CFAP299: variants seen among roughly 807,000 people sequenced by gnomAD.
The protein encoded by CFAP299 is cilia and flagella associated protein 299, also known as cilia- and flagella-associated protein 299.
CFAP299 carries 21 observed loss-of-function variants against 27.0 expected under a neutral mutation model. The ratio of observed to expected loss-of-function variants is 0.78; its 90% CI spans 0.55 to 1.12. The LOEUF (loss-of-function observed/expected upper bound fraction) is 1.12, where lower values mean the gene tolerates loss of function less well. Ranked by LOEUF, CFAP299 falls within the 50% of genes most tolerant of loss-of-function variation. The probability of loss-of-function intolerance (pLI) is 0.00; values close to 1 mark genes in which losing one functional copy is unlikely to be tolerated. For missense variants in CFAP299, 310 were observed against 276.6 expected, an observed-to-expected ratio of 1.12 and a Z score of -0.86; for synonymous variants, 104 against 98.1, an observed-to-expected ratio of 1.06 and a Z score of -0.36.
chr4:80,481,670 G>C (rs1730579182), intron 2 of CFAP299, among the ~76,000 whole-genome samples: 1 of 151,972 alleles, frequency 6.6e-6, no homozygotes, highest in Non-Finnish European at 1.5e-5. Context: ...GTGACCCTGA[G>C]GGCTAAAATT....
intron 2 of CFAP299, among the ~76,000 whole-genome samples, chr4:80,551,026 T>A (rs1197835622): frequency 6.6e-6 from 1 of 152,204 alleles, no homozygotes; most frequent in African/African-American, 2.4e-5. Flanking sequence ...GTAGCTCAGT[T>A]AACTGTTTGA....
At chr4:80,887,444 A>G (rs2110182332) in intron 4 of CFAP299, among the ~76,000 whole-genome samples, 1 of 144,156 alleles carries the variant, frequency 6.9e-6, no homozygotes, top group East Asian at 2.2e-4. Flanking sequence ...TAAAGTGCTG[A>G]AAGAAAAAAA....
rs1474132508 is a variant in CFAP299 at position 80,443,080 on chromosome 4, G to T, written c.242+80196G>T. 4.6e-5 allele frequency among the ~76,000 whole-genome samples: 7 copies of T among 152,206 alleles called. No individual in the cohort carries two copies. In the East Asian group the frequency reaches 1.2e-3, roughly 25 times the overall value. ...AACAAAAAGAGCCCAGGATCAGACG[G>T]ATTCACAGCCGAATTCTCCCAGGGG... is the stretch of plus-strand genomic sequence containing the variant. On this transcript the variant is annotated intron_variant, in intron 2 of 5. Transcript: ENST00000358105.
chr4:80,662,454 A>G lies in CFAP299; in HGVS notation c.333+79271A>G, dbSNP rs537950149. Among the ~76,000 whole-genome samples the G allele has an allele frequency of 2.9e-4, 44 of 152,250 alleles. 1 individual carries two copies. The South Asian group carries it at 9.1e-3, about 32-fold the overall frequency. ...TTGATGGGTTAGGAAGTCTTCAGAT[A>G]ATATCAGTAAGGGTGGATAGAGGAT... is the stretch of plus-strand genomic sequence containing the variant. On this transcript the variant is annotated intron_variant, in intron 3 of 5. Transcript: ENST00000358105.
At position 80,963,560 on chromosome 4, in the gene CFAP299, A is replaced by G; in HGVS notation, c.650A>G (p.Glu217Gly). The G allele has an allele frequency of 6.2e-7, 1 of 1,609,588 alleles. No homozygotes were observed. Among genetic ancestry groups the G allele is most frequent in the Non-Finnish European group, 8.5e-7 (1 of 1,177,494 alleles). Residue 217 changes from glutamate (E) to glycine (G), a missense_variant, in exon 6 of 6, where the codon GAA becomes GGA. By Grantham distance (98) the Glu-to-Gly change is moderately conservative (BLOSUM62 -2). Transcript: ENST00000358105. ...TCTACTAGAATCACTATCCTGACAG[A>G]ACTCTACGTACAAGCTGTCATTTTT... The part of the protein sequence containing the change: ...DNSTRITILT[E>G]LYVQAVIFDH...
At chr4:80,725,054 C>T (rs987436633) in intron 3 of CFAP299, among the ~76,000 whole-genome samples, 3 of 151,064 alleles carry the variant, frequency 2.0e-5, no homozygotes, top group African/African-American at 7.3e-5. Flanking sequence ...AGGCGATTGT[C>T]CTGCCTCAGC....
At chr4:80,879,208 A>T (rs1733567548) in intron 4 of CFAP299, among the ~76,000 whole-genome samples, 1 of 152,128 alleles carries the variant, frequency 6.6e-6, no homozygotes, top group Non-Finnish European at 1.5e-5. Flanking sequence ...GAGTACATGT[A>T]ACTCAGTATA....
At chr4:80,658,778 C>T (rs1316956983) in intron 3 of CFAP299, among the ~76,000 whole-genome samples, 3 of 152,090 alleles carry the variant, frequency 2.0e-5, no homozygotes, top group African/African-American at 7.2e-5. Flanking sequence ...CTGTAGCATA[C>T]TATCCACTTA....
intron 2 of CFAP299, among the ~76,000 whole-genome samples, chr4:80,537,763 T>C (rs1733812386): frequency 6.6e-6 from 1 of 151,956 alleles, no homozygotes; most frequent in Non-Finnish European, 1.5e-5. Flanking sequence ...TTGTATAGCA[T>C]GGTGACTATA....
chr4:80,834,814 T>C (rs1730474895), intron 3 of CFAP299, among the ~76,000 whole-genome samples: 3 of 152,198 alleles, frequency 2.0e-5, no homozygotes, highest in Admixed American at 2.0e-4. Context: ...GGTACTTGGA[T>C]GAAGGAGAGA....
intron 3 of CFAP299, among the ~76,000 whole-genome samples, chr4:80,800,505 TATATAATATATAATATATA>T (rs1728446602): frequency 2.6e-4 from 1 of 3,784 alleles, no homozygotes; most frequent in East Asian, 0.021. Flanking sequence ...TATAATATAT[TATATAATATATAATATATA>T]ATATATTATA....
At chr4:80,504,864 G>A (rs12648193) in intron 2 of CFAP299, among the ~76,000 whole-genome samples, 15,368 of 146,878 alleles carry the variant, frequency 0.1, 919 homozygotes, top group Middle Eastern at 0.24. Context: ...AACAGGTAGA[G>A]TATATATTCA....
At chr4:80,830,328 A>C (rs1730230813) in intron 3 of CFAP299, among the ~76,000 whole-genome samples, 1 of 152,132 alleles carries the variant, frequency 6.6e-6, no homozygotes, top group Non-Finnish European at 1.5e-5. Context: ...GTCCCTTTAC[A>C]AGTCCATAGA....
At chr4:80,606,919 T>G (rs1342915790) in intron 3 of CFAP299, among the ~76,000 whole-genome samples, 2 of 152,232 alleles carry the variant, frequency 1.3e-5, no homozygotes, top group Non-Finnish European at 2.9e-5. Context: ...AGGCTACTTT[T>G]GCATTTAAAT....
chr4:80,901,412 G>GT (rs1047745209), intron 4 of CFAP299, among the ~76,000 whole-genome samples: 2 of 152,100 alleles, frequency 1.3e-5, no homozygotes, highest in Admixed American at 6.6e-5. Flanking sequence ...TGCAATGGGT[G>GT]TTTTTTGAAA....
chr4:80,643,707 A>C (rs1344822985), intron 3 of CFAP299, among the ~76,000 whole-genome samples: 1 of 152,170 alleles, frequency 6.6e-6, no homozygotes, highest in Non-Finnish European at 1.5e-5. Flanking sequence ...AGATTTGACC[A>C]TAGGAACTTA....
intron 3 of CFAP299, among the ~76,000 whole-genome samples, chr4:80,714,357 C>G (rs1296323285): frequency 6.6e-6 from 1 of 152,012 alleles, no homozygotes; most frequent in Non-Finnish European, 1.5e-5. Context: ...GTAAATAGTC[C>G]TATTCAACTT....
intron 3 of CFAP299, among the ~76,000 whole-genome samples, chr4:80,748,150 C>A (rs191827905): frequency 6.6e-6 from 1 of 152,074 alleles, no homozygotes; most frequent in Non-Finnish European, 1.5e-5. Context: ...TCTTTAGTAT[C>A]CCTTATTTAT....
intron 3 of CFAP299, among the ~76,000 whole-genome samples, chr4:80,760,777 T>C (rs1725504461): frequency 6.6e-6 from 1 of 151,886 alleles, no homozygotes; most frequent in South Asian, 2.1e-4. Flanking sequence ...AAAGGTAAAA[T>C]TAAGAGAGTA....
Sources: gnomAD v4.1 joint callset for allele counts (sites outside exome capture counted in the v4.1 genomes callset) on GRCh38, gnomAD v4.1.1 for gene constraint, MANE v1.5 for transcripts, NCBI Gene and HGNC (gene_info 2026-07-23, HGNC 2026-07-21) for gene names.